SLC44A3: variants seen among roughly 807,000 people sequenced by gnomAD.
SLC44A3 encodes the protein solute carrier family 44 member 3.
In SLC44A3, 74 loss-of-function variants were observed where a neutral mutation model predicts 75.4. The observed-to-expected ratio is 0.98, with a 90% CI of 0.81 to 1.19. SLC44A3 has a LOEUF of 1.19. Ranked by LOEUF, SLC44A3 falls within the 50% of genes most tolerant of loss-of-function variation. The pLI is 0.00. For synonymous variants in SLC44A3, 310 were observed against 296.9 expected, an observed-to-expected ratio of 1.04 and a Z score of -0.45; for missense variants, 700 against 778.6, an observed-to-expected ratio of 0.90 and a Z score of 1.20.
intron 12 of SLC44A3, among the ~76,000 whole-genome samples, chr1:94,880,994 AG>A (rs943571254): frequency 5.9e-5 from 9 of 152,082 alleles, no homozygotes; most frequent in African/African-American, 2.2e-4. Flanking sequence ...GCTGGAGCAC[AG>A]GAGTTCAAGG....
chr1:94,853,340 A>T (rs1182408605), intron 9 of SLC44A3, among the ~76,000 whole-genome samples: 1 of 152,220 alleles, frequency 6.6e-6, no homozygotes, highest in South Asian at 2.1e-4. Flanking sequence ...GGAGGAAAAG[A>T]ATTGGAAAGA....
chr1:94,885,114 G>A (rs1669421457), intron 12 of SLC44A3, among the ~76,000 whole-genome samples: 1 of 149,172 alleles, frequency 6.7e-6, no homozygotes, highest in Non-Finnish European at 1.5e-5. Context: ...GGCGTGGTGG[G>A]TGCCTGTTGT....
chr1:94,852,134 C>T (rs1191295355), intron 9 of SLC44A3, among the ~76,000 whole-genome samples: 1 of 152,156 alleles, frequency 6.6e-6, no homozygotes, highest in African/African-American at 2.4e-5. Context: ...TACTGTGTGT[C>T]AGACCCTATT....
intron 7 of SLC44A3, among the ~76,000 whole-genome samples, chr1:94,840,283 CTTTTT>C (rs56383271): frequency 7.8e-5 from 6 of 77,360 alleles, no homozygotes; most frequent in East Asian, 4.5e-4. Context: ...TTTCTTTTTC[CTTTTT>C]TTTTTTTTTT....
intron 9 of SLC44A3, among the ~76,000 whole-genome samples, chr1:94,850,835 C>A (rs916691469): frequency 6.6e-6 from 1 of 152,124 alleles, no homozygotes; most frequent in Non-Finnish European, 1.5e-5. Flanking sequence ...CTTTCTCTGG[C>A]ACATTCAATA....
intron 11 of SLC44A3, among the ~76,000 whole-genome samples, chr1:94,866,401 AG>A (rs1667175069): frequency 6.6e-6 from 1 of 152,186 alleles, no homozygotes; most frequent in Non-Finnish European, 1.5e-5. Flanking sequence ...ACAAGGACCA[AG>A]GGCCAAAATT....
intron 9 of SLC44A3, among the ~76,000 whole-genome samples, chr1:94,854,500 T>C (rs1015162205): frequency 2.6e-5 from 4 of 152,216 alleles, no homozygotes; most frequent in African/African-American, 7.2e-5. Context: ...GTAGCTGTAG[T>C]GCCCAGTCCA....
intron 4 of SLC44A3, 65 bp downstream of exon 4, chr1:94,827,708 G>T (rs1661561514): frequency 6.4e-7 from 1 of 1,566,322 alleles, no homozygotes; most frequent in African/African-American, 1.4e-5. Flanking sequence ...ACCTAGATGA[G>T]ATCATTTACC....
intron 12 of SLC44A3, among the ~76,000 whole-genome samples, chr1:94,877,234 A>G (rs1386207657): frequency 6.6e-6 from 1 of 151,770 alleles, no homozygotes; most frequent in Non-Finnish European, 1.5e-5. Context: ...GTGGGGCTGG[A>G]GGAAACCTGC....
At chr1:94,887,466 T>C (rs698968) in intron 12 of SLC44A3, among the ~76,000 whole-genome samples, 152,078 of 152,306 alleles carry the variant, frequency 1, 75,926 homozygotes, top group Middle Eastern at 1. Context: ...TTTTAATGCC[T>C]TCTTTCAGTG....
At position 94,867,462 on chromosome 1, in the gene SLC44A3, AGGT is replaced by A. The variant is rs776039513; in HGVS notation, c.1482+48_1482+50del. ...CTCAGGAACACACAGAAGGGTCCAA[AGGT>A]GGGCTTCATCTCTTAGGTCAAGGTT... is the stretch of plus-strand genomic sequence containing the variant. On this transcript the variant is annotated intron_variant, in intron 12 of 14. Coordinates refer to ENST00000271227, the MANE Select transcript of SLC44A3 (RefSeq NM_001114106.3). 4.0e-6 allele frequency: 6 copies of A among 1,501,908 alleles called. No homozygotes were observed. In the Admixed American group the frequency reaches 7.8e-5, roughly 19 times the overall value. 93.0% of individuals were successfully genotyped at this position (1,501,908 alleles called of 1,614,324 possible).
intron 10 of SLC44A3, among the ~76,000 whole-genome samples, chr1:94,858,129 A>T (rs1332611097): frequency 6.6e-6 from 1 of 152,004 alleles, no homozygotes; most frequent in Non-Finnish European, 1.5e-5. Context: ...TTTTAATATT[A>T]AAAAAAGGAA....
intron 2 of SLC44A3, 126 bp from the exon 3 acceptor site, chr1:94,824,367 A>C: frequency 1.6e-5 from 18 of 1,097,560 alleles, no homozygotes; most frequent in South Asian, 2.2e-5. Flanking sequence ...TGACGGAGCA[A>C]AGCGCTATGA....
chr1:94,823,864 A>G lies in SLC44A3; in HGVS notation c.136-629A>G, dbSNP rs373889380. 4.6e-5 allele frequency among the ~76,000 whole-genome samples: 7 copies of G among 152,322 alleles called. No individual in the cohort carries two copies. The East Asian group carries it at 1.4e-3, about 29-fold the overall frequency. The stretch of plus-strand genomic sequence containing the variant: ...ATGTATTAATGGCACAGTTGTTTGA[A>G]CTGAAATTTCAAATATTCCACATTC... On this transcript the variant is annotated intron_variant, in intron 2 of 14. Transcript: ENST00000271227.
In SLC44A3 at chr1:94,827,498, A is replaced by G. The variant is rs1474421934; in HGVS notation, c.279-9A>G. 3 of 1,614,132 alleles carry G rather than the reference A, an allele frequency of 1.9e-6. No homozygotes were observed. The highest frequency in any genetic ancestry group is 1.7e-5 in the Admixed American group (1 of 60,016). Reference sequence around the variant, plus strand: ...TCTAACACATTCTTCTGTTTCATCTATTTCCTAGACACGTGTTCTTTATGA... The same window carrying G: ...TCTAACACATTCTTCTGTTTCATCTGTTTCCTAGACACGTGTTCTTTATGA... On this transcript the variant is annotated splice_polypyrimidine_tract_variant and intron_variant, in intron 3 of 14. Transcript: ENST00000271227.
intron 3 of SLC44A3, among the ~76,000 whole-genome samples, chr1:94,826,828 A>G (rs1312244572): frequency 6.6e-6 from 1 of 152,160 alleles, no homozygotes; most frequent in Admixed American, 6.5e-5. Flanking sequence ...GGTCTCTCCC[A>G]TAAAGGGCAG....
In SLC44A3 at chr1:94,854,328, G is replaced by A. The variant is rs368941152; in HGVS notation, c.1073-3007G>A. 1.5e-3 allele frequency among the ~76,000 whole-genome samples: 236 copies of A among 152,296 alleles called. 1 individual carries two copies. Among genetic ancestry groups the A allele is most frequent in the African/African-American group, 5.3e-3 (222 of 41,550 alleles). On this transcript the variant is annotated intron_variant, in intron 9 of 14. Transcript: ENST00000271227. ...GCCTACTCTCTTCTTCACCATCAGA[G>A]AGCTGTGGCCCACATTGTTTGTCAC...
At chr1:94,892,800 T>C (rs928832191) in intron 14 of SLC44A3, among the ~76,000 whole-genome samples, 4 of 152,248 alleles carry the variant, frequency 2.6e-5, no homozygotes, top group Admixed American at 2.6e-4. Flanking sequence ...GGGCAGAAGA[T>C]GTCCTGAACA....
intron 12 of SLC44A3, among the ~76,000 whole-genome samples, chr1:94,870,430 ATGT>A (rs1354380945): frequency 6.6e-6 from 1 of 152,190 alleles, no homozygotes; most frequent in Non-Finnish European, 1.5e-5. Context: ...AGAAAAGTAC[ATGT>A]TTAAGTGTTG....
Sources: allele counts gnomAD v4.1 joint callset (sites outside exome capture counted in the v4.1 genomes callset), GRCh38; gene constraint gnomAD v4.1.1; transcripts MANE v1.5; gene names NCBI Gene and HGNC (gene_info 2026-07-23, HGNC 2026-07-21).